Variants in GABRB2 observed in about 807,000 individuals in gnomAD.
GABRB2 encodes the protein gamma-aminobutyric acid receptor subunit beta-2.
GABRB2 carries 16 observed loss-of-function variants against 54.7 expected under a neutral mutation model. The observed-to-expected ratio is 0.29, with a 90% confidence interval of 0.20 to 0.44. The LOEUF is 0.44. Ranked by LOEUF, GABRB2 falls within the 20% of genes least tolerant of loss-of-function variation. The pLI is 1.00. For synonymous variants in GABRB2, 244 were observed against 233.8 expected, an observed-to-expected ratio of 1.04 and a Z score of -0.40; for missense variants, 355 against 644.0, an observed-to-expected ratio of 0.55 and a Z score of 4.86.
intron 4 of GABRB2, among the ~76,000 whole-genome samples, chr5:161,427,714 A>C (rs1272609474): frequency 6.6e-6 from 1 of 152,222 alleles, no homozygotes. Flanking sequence ...TAGAAATATT[A>C]AAGTATTTCA....
chr5:161,438,145 T>G (rs72813562), intron 4 of GABRB2, among the ~76,000 whole-genome samples: 10,220 of 152,218 alleles, frequency 0.067, 472 homozygotes, highest in Middle Eastern at 0.088. Flanking sequence ...ATAGTGGTGG[T>G]GGCAACAGGG....
chr5:161,345,061 G>A (rs189942775), intron 5 of GABRB2, among the ~76,000 whole-genome samples: 9 of 152,180 alleles, frequency 5.9e-5, no homozygotes, highest in Admixed American at 5.2e-4. Context: ...GGGGCTAGGG[G>A]AGGGATAGCA....
intron 3 of GABRB2, among the ~76,000 whole-genome samples, chr5:161,488,785 T>C (rs1340521537): frequency 6.6e-6 from 1 of 151,708 alleles, no homozygotes; most frequent in African/African-American, 2.4e-5. Flanking sequence ...TGTGGTTCCT[T>C]TCTGAGAAAA....
intron 7 of GABRB2, among the ~76,000 whole-genome samples, chr5:161,331,411 A>AC (rs941924418): frequency 1.3e-5 from 2 of 152,150 alleles, no homozygotes; most frequent in African/African-American, 4.8e-5. Context: ...TATGATGGGC[A>AC]CATGTGTAAG....
intron 4 of GABRB2, among the ~76,000 whole-genome samples, chr5:161,419,021 G>A (rs1756767796): frequency 6.6e-6 from 1 of 152,176 alleles, no homozygotes; most frequent in African/African-American, 2.4e-5. Flanking sequence ...CAGCTACTCG[G>A]AAGGCTGAGA....
At chr5:161,480,642 A>G (rs1397032118) in intron 3 of GABRB2, among the ~76,000 whole-genome samples, 1 of 152,090 alleles carries the variant, frequency 6.6e-6, no homozygotes, top group Non-Finnish European at 1.5e-5. Flanking sequence ...GAAACATATT[A>G]GCATTCCTTT....
chr5:161,496,400 T>G (rs1759249222), intron 3 of GABRB2, among the ~76,000 whole-genome samples: 1 of 152,130 alleles, frequency 6.6e-6, no homozygotes, highest in African/African-American at 2.4e-5. Flanking sequence ...TTTATTGATT[T>G]TCTTAGAAAA....
intron 4 of GABRB2, among the ~76,000 whole-genome samples, chr5:161,442,721 C>T (rs1757502361): frequency 6.6e-6 from 1 of 152,148 alleles, no homozygotes; most frequent in Non-Finnish European, 1.5e-5. Flanking sequence ...TTTACCCTGC[C>T]ATTGCATTCC....
At chr5:161,408,949 G>T (rs567821907) in intron 5 of GABRB2, among the ~76,000 whole-genome samples, 2 of 152,050 alleles carry the variant, frequency 1.3e-5, no homozygotes, top group African/African-American at 4.8e-5. Flanking sequence ...ACTTCAATAT[G>T]TTTAGTTAGT....
intron 3 of GABRB2, among the ~76,000 whole-genome samples, chr5:161,543,313 C>CA (rs1760877161): frequency 6.6e-6 from 1 of 151,950 alleles, no homozygotes; most frequent in Non-Finnish European, 1.5e-5. Context: ...TGCATGTAGG[C>CA]AAAAAATGAA....
intron 3 of GABRB2, among the ~76,000 whole-genome samples, chr5:161,463,844 T>C (rs1474760313): frequency 6.6e-6 from 1 of 151,540 alleles, no homozygotes; most frequent in African/African-American, 2.4e-5. Context: ...AATCTTATTA[T>C]ATAACAAAAG....
At chr5:161,498,592 G>T (rs1026628755) in intron 3 of GABRB2, among the ~76,000 whole-genome samples, 3 of 151,976 alleles carry the variant, frequency 2.0e-5, no homozygotes, top group Non-Finnish European at 4.4e-5. Flanking sequence ...TTAAAATGTT[G>T]GTAGAAGAGC....
chr5:161,440,275 C>G (rs1266828826), intron 4 of GABRB2, among the ~76,000 whole-genome samples: 1 of 152,002 alleles, frequency 6.6e-6, no homozygotes, highest in Non-Finnish European at 1.5e-5. Flanking sequence ...GGATTAAACT[C>G]TCCAATCAAA....
chr5:161,464,895 G>A (rs1758232019), intron 3 of GABRB2, among the ~76,000 whole-genome samples: 1 of 152,062 alleles, frequency 6.6e-6, no homozygotes, highest in South Asian at 2.1e-4. Flanking sequence ...CAAGATGGGG[G>A]AGCAGTTGAC....
At chr5:161,391,963 GT>G (rs1248074439) in intron 5 of GABRB2, among the ~76,000 whole-genome samples, 2 of 152,314 alleles carry the variant, frequency 1.3e-5, no homozygotes, top group Admixed American at 1.3e-4. Context: ...TCTGCTGTCT[GT>G]GCAGCACCTC....
In GABRB2 at chr5:161,459,862, A is replaced by C; in HGVS notation, c.238-18T>G. On this transcript the variant is annotated intron_variant, in intron 3 of 9. Transcript: ENST00000393959. ...GTATAATCCTGTAAATGTGAGAAAAAAAAACATGGTTAGTTTACACCCAGA... is the reference window on the plus strand; with the variant it reads ...GTATAATCCTGTAAATGTGAGAAAACAAAACATGGTTAGTTTACACCCAGA... The C allele has an allele frequency of 6.6e-7, 1 of 1,522,736 alleles. No homozygotes were observed. Among genetic ancestry groups the C allele is most frequent in the Non-Finnish European group, 9.1e-7 (1 of 1,098,256 alleles). The allele number at this position is 1,522,736 out of a possible 1,614,324, so 94.3% of individuals were successfully genotyped here.
At position 161,369,432 on chromosome 5, in the gene GABRB2, T is replaced by C. The variant is rs186690916; in HGVS notation, c.542-32663A>G. 6.0e-3 allele frequency among the ~76,000 whole-genome samples: 910 copies of C among 152,126 alleles called. 5 individuals are homozygous for C. The highest frequency in any genetic ancestry group is 8.7e-3 in the Non-Finnish European group (595 of 68,022). On this transcript the variant is annotated intron_variant, in intron 5 of 9. Coordinates refer to ENST00000393959, the MANE Select transcript of GABRB2 (RefSeq NM_001371727.1). The stretch of plus-strand genomic sequence containing the variant: ...AAACATATGAGTGAATAGCCTCTTT[T>C]CTTTTATAAAGACGAAATTTATATG...
chr5:161,495,429 C>T (rs969776591), intron 3 of GABRB2, among the ~76,000 whole-genome samples: 2 of 151,476 alleles, frequency 1.3e-5, no homozygotes, highest in Admixed American at 6.6e-5. Context: ...TGGTTTAATG[C>T]CATTAGACCT....
At chr5:161,351,051 A>G (rs753007335) in intron 5 of GABRB2, among the ~76,000 whole-genome samples, 14 of 152,096 alleles carry the variant, frequency 9.2e-5, no homozygotes, top group Non-Finnish European at 1.9e-4. Context: ...TCACATATTC[A>G]TCTATCCCAT....
Sources: allele counts gnomAD v4.1 joint callset (sites outside exome capture counted in the v4.1 genomes callset), GRCh38; gene constraint gnomAD v4.1.1; transcripts MANE v1.5; gene names NCBI Gene and HGNC (gene_info 2026-07-23, HGNC 2026-07-21).